Variants in MYO1D observed in about 807,000 individuals in gnomAD.
MYO1D encodes the protein myosin ID.
MYO1D carries 83 observed loss-of-function variants against 122.0 expected under a neutral mutation model. The observed-to-expected ratio is 0.68, with a 90% CI of 0.57 to 0.82. MYO1D has a LOEUF of 0.82. Among genes scored for constraint, MYO1D ranks in the 40% least tolerant of loss-of-function variants. The pLI is 0.00. For synonymous variants in MYO1D, 464 were observed against 446.9 expected, an observed-to-expected ratio of 1.04 and a Z score of -0.48; for missense variants, 1,157 against 1,269.5, an observed-to-expected ratio of 0.91 and a Z score of 1.35.
chr17:32,497,737 G>A, intron 21 of MYO1D: 1 of 152,536 alleles, frequency 6.6e-6, no homozygotes. Flanking sequence ...CCACTGCCGG[G>A]CCAGCCCCTC....
chr17:32,649,638 C>T (rs1040309518), intron 19 of MYO1D, among the ~76,000 whole-genome samples: 2 of 142,542 alleles, frequency 1.4e-5, no homozygotes, highest in Admixed American at 1.5e-4. Flanking sequence ...GTAGTGCGAT[C>T]TCAGCTCACT....
At chr17:32,852,861 A>C (rs1311073731) in intron 1 of MYO1D, among the ~76,000 whole-genome samples, 1 of 152,224 alleles carries the variant, frequency 6.6e-6, no homozygotes, top group Non-Finnish European at 1.5e-5. Context: ...TTCACTTCTC[A>C]CTGTATACAT....
intron 14 of MYO1D, among the ~76,000 whole-genome samples, chr17:32,727,022 T>C (rs1190866053): frequency 2.0e-5 from 3 of 152,198 alleles, no homozygotes; most frequent in African/African-American, 7.2e-5. Context: ...TAACAGTATT[T>C]AAGTAAATCT....
intron 1 of MYO1D, among the ~76,000 whole-genome samples, chr17:32,858,776 C>G (rs1246439356): frequency 6.6e-6 from 1 of 152,156 alleles, no homozygotes; most frequent in Non-Finnish European, 1.5e-5. Flanking sequence ...ATATCCCATT[C>G]CTCATCAAAC....
At chr17:32,687,821 C>CA (rs2089039851) in intron 16 of MYO1D, among the ~76,000 whole-genome samples, 3 of 152,146 alleles carry the variant, frequency 2.0e-5, no homozygotes, top group Admixed American at 1.3e-4. Flanking sequence ...AGTATTGAAT[C>CA]ATGATAAGTA....
At chr17:32,497,587 C>A (rs1366592424) in intron 21 of MYO1D, 1 of 152,390 alleles carries the variant, frequency 6.6e-6, no homozygotes, top group African/African-American at 2.4e-5. Context: ...TTTCCTCCTG[C>A]CCTCTGTTGT....
At chr17:32,863,220 T>G (rs2091093301) in intron 1 of MYO1D, among the ~76,000 whole-genome samples, 1 of 152,184 alleles carries the variant, frequency 6.6e-6, no homozygotes, top group East Asian at 1.9e-4. Context: ...ACACAAACAA[T>G]TCAAATACCA....
intron 19 of MYO1D, among the ~76,000 whole-genome samples, chr17:32,643,380 TTC>T (rs1254876725): frequency 6.6e-6 from 1 of 152,212 alleles, no homozygotes. Context: ...TGGTCTAAAA[TTC>T]TCTTTTTTTG....
chr17:32,806,660 A>T (rs556852603), intron 1 of MYO1D, among the ~76,000 whole-genome samples: 1 of 152,348 alleles, frequency 6.6e-6, no homozygotes, highest in South Asian at 2.1e-4. Context: ...TACAGGTATA[A>T]GCCACCATGA....
intron 15 of MYO1D, among the ~76,000 whole-genome samples, chr17:32,716,362 T>G (rs2089445798): frequency 6.6e-6 from 1 of 152,218 alleles, no homozygotes; most frequent in Admixed American, 6.5e-5. Flanking sequence ...TACTGATTTG[T>G]GGGTTTATCT....
At chr17:32,556,198 G>A (rs1363125704) in intron 21 of MYO1D, among the ~76,000 whole-genome samples, 1 of 152,152 alleles carries the variant, frequency 6.6e-6, no homozygotes, top group African/African-American at 2.4e-5. Flanking sequence ...CTTTCTATGT[G>A]CTGCCATGGG....
intron 21 of MYO1D, among the ~76,000 whole-genome samples, chr17:32,514,793 A>G (rs1909831053): frequency 6.6e-6 from 1 of 152,388 alleles, no homozygotes; most frequent in African/African-American, 2.4e-5. Flanking sequence ...AGCTGGCAGC[A>G]GCAGCAGGAA....
Position 32,745,269 on chromosome 17 carries a change from A to G in MYO1D, c.1555T>C (p.Phe519Leu), listed in dbSNP as rs1225174802. 1 of 1,548,608 alleles carries G rather than the reference A, an allele frequency of 6.5e-7. No individual in the cohort carries two copies. Among genetic ancestry groups the G allele is most frequent in the Admixed American group, 1.7e-5 (1 of 57,472 alleles). ...AAAGTATCTTTATTTTTGTCAATAA[A>G]ACCAATGACAGAATAGCTAACAGGG... ...AGDVVYSVIG[F>L]IDKNKDTLFQ... Residue 519 changes from phenylalanine (F) to leucine (L), a missense_variant, in exon 13 of 22, where the codon TTT becomes CTT. Transcript: ENST00000318217.
chr17:32,755,967 C>T (rs1246747556), intron 10 of MYO1D, among the ~76,000 whole-genome samples: 1 of 152,198 alleles, frequency 6.6e-6, no homozygotes, highest in Non-Finnish European at 1.5e-5. Context: ...CCAGATCCCA[C>T]ACCCAACCCT....
At chr17:32,803,297 C>A (rs1368610523) in intron 1 of MYO1D, among the ~76,000 whole-genome samples, 1 of 152,094 alleles carries the variant, frequency 6.6e-6, no homozygotes, top group African/African-American at 2.4e-5. Context: ...CAGGTGCCCG[C>A]CACCACACCC....
rs193142732 is a variant in MYO1D, at chr17:32,821,524, G to A, written c.96-40740C>T. On this transcript the variant is annotated intron_variant, in intron 1 of 21. Transcript: ENST00000318217. ...CAACTGCCAACCTTTGTCAGCTGAA[G>A]ATAAGTAAATCACACATACACACAC... Among the ~76,000 whole-genome samples, 30 of 144,282 alleles carry A rather than the reference G, an allele frequency of 2.1e-4. No homozygotes were observed. In the East Asian group the frequency reaches 5.3e-3, roughly 26 times the overall value. 94.7% of individuals were successfully genotyped at this position (144,282 alleles called of 152,430 possible). A position where few individuals can be genotyped will look rare whatever the true frequency, so the allele number is the denominator to read the frequency against.
At position 32,799,712 on chromosome 17, in the gene MYO1D, A is replaced by G. The variant is rs576628176; in HGVS notation, c.96-18928T>C. Among the ~76,000 whole-genome samples, 17 of 152,192 alleles carry G rather than the reference A, an allele frequency of 1.1e-4. No homozygotes were observed. The South Asian group carries it at 2.9e-3, about 26-fold the overall frequency. On this transcript the variant is annotated intron_variant, in intron 1 of 21. Coordinates refer to ENST00000318217, the MANE Select transcript of MYO1D (RefSeq NM_015194.3). ...CAGACAAATGGGATTGCATCAAACTAAAAAGTTCCTGCACCACAAAGGAAA... is the reference window on the plus strand; with the variant it reads ...CAGACAAATGGGATTGCATCAAACTGAAAAGTTCCTGCACCACAAAGGAAA...
At chr17:32,630,559 T>C (rs2087990417) in intron 20 of MYO1D, among the ~76,000 whole-genome samples, 1 of 152,012 alleles carries the variant, frequency 6.6e-6, no homozygotes, top group African/African-American at 2.4e-5. Flanking sequence ...AAAATTAAGA[T>C]GTTGGTAGAG....
intron 16 of MYO1D, among the ~76,000 whole-genome samples, chr17:32,661,521 G>A (rs897363788): frequency 6.6e-6 from 1 of 152,064 alleles, no homozygotes; most frequent in Admixed American, 6.6e-5. Context: ...CATGTGTGGT[G>A]GTGTGCACCT....
Sources: allele counts gnomAD v4.1 joint callset (sites outside exome capture counted in the v4.1 genomes callset), GRCh38; gene constraint gnomAD v4.1.1; transcripts MANE v1.5; gene names NCBI Gene and HGNC (gene_info 2026-07-23, HGNC 2026-07-21).